HECW2: variants seen among roughly 807,000 people sequenced by gnomAD.
HECW2 encodes the protein E3 ubiquitin-protein ligase HECW2.
In HECW2, 61 loss-of-function variants were observed where a neutral mutation model predicts 175.2. That is an observed-to-expected ratio of 0.35 (90% CI 0.28 to 0.43). The LOEUF (loss-of-function observed/expected upper bound fraction) is 0.43, where lower values mean the gene tolerates loss of function less well. Ranked by LOEUF, HECW2 falls within the 20% of genes least tolerant of loss-of-function variation. The pLI, the probability that HECW2 is intolerant of heterozygous loss-of-function variation, is 1.00. For synonymous variants in HECW2, 671 were observed against 731.0 expected, an observed-to-expected ratio of 0.92 and a Z score of 1.32; for missense variants, 1,524 against 2,000.5, an observed-to-expected ratio of 0.76 and a Z score of 4.54.
intron 2 of HECW2, among the ~76,000 whole-genome samples, chr2:196,425,549 C>A (rs540615422): frequency 1.3e-5 from 2 of 152,166 alleles, no homozygotes; most frequent in South Asian, 4.1e-4. Flanking sequence ...TTGATTCCAA[C>A]CCTCATGGAT....
At chr2:196,253,210 T>A (rs181578656) in intron 19 of HECW2, among the ~76,000 whole-genome samples, 15 of 152,390 alleles carry the variant, frequency 9.8e-5, no homozygotes, top group African/African-American at 3.1e-4. Flanking sequence ...GAGTTTGCAC[T>A]TCTACTGAAA....
Position 196,197,838 on chromosome 2 carries a change from A to C in HECW2, c.*3439T>G, listed in dbSNP as rs1433928662. The C allele has an allele frequency of 6.6e-6, 1 of 152,244 alleles. No homozygotes were observed. The highest frequency in any genetic ancestry group is 1.5e-5 in the Non-Finnish European group (1 of 68,038). The allele number at this position is 152,244 out of a possible 1,614,324, so 9.4% of individuals were successfully genotyped here. Reference sequence around the variant, plus strand: ...GCGTGAGGAGCTAAACGGACGATGTACCTGACAGCACTTTGAAACTATAAA... The same window carrying C: ...GCGTGAGGAGCTAAACGGACGATGTCCCTGACAGCACTTTGAAACTATAAA... On this transcript the variant is annotated 3_prime_UTR_variant, in exon 29 of 29. Coordinates refer to ENST00000644978, the MANE Select transcript of HECW2 (RefSeq NM_001348768.2).
At chr2:196,505,368 CG>C in intron 1 of HECW2, among the ~76,000 whole-genome samples, 1 of 152,074 alleles carries the variant, frequency 6.6e-6, no homozygotes. Context: ...GTGAAAACCC[CG>C]TCTCTACTAA....
At chr2:196,366,407 A>C (rs1177448717) in intron 2 of HECW2, among the ~76,000 whole-genome samples, 1 of 152,232 alleles carries the variant, frequency 6.6e-6, no homozygotes, top group Admixed American at 6.5e-5. Context: ...ATTCAAGCCA[A>C]AATATCAGCA....
At chr2:196,285,874 G>A (rs1690368844) in intron 14 of HECW2, among the ~76,000 whole-genome samples, 1 of 152,206 alleles carries the variant, frequency 6.6e-6, no homozygotes, top group Non-Finnish European at 1.5e-5. Context: ...TATGACTGCA[G>A]CTCTAAAGGT....
chr2:196,503,030 C>T (rs796314919), intron 1 of HECW2, among the ~76,000 whole-genome samples: 11 of 152,208 alleles, frequency 7.2e-5, no homozygotes, highest in African/African-American at 2.6e-4. Flanking sequence ...GTGACAAGTA[C>T]CCTTATCCTT....
At chr2:196,453,103 G>A (rs573463519) in intron 1 of HECW2, among the ~76,000 whole-genome samples, 1 of 152,158 alleles carries the variant, frequency 6.6e-6, no homozygotes, top group Non-Finnish European at 1.5e-5. Context: ...TCTGCCTACA[G>A]AGACCATGTA....
intron 1 of HECW2, among the ~76,000 whole-genome samples, chr2:196,436,272 G>A (rs1253142864): frequency 6.6e-6 from 1 of 151,990 alleles, no homozygotes; most frequent in Non-Finnish European, 1.5e-5. Flanking sequence ...GTGGTGGCGG[G>A]TGCCTGTAGT....
intron 23 of HECW2, among the ~76,000 whole-genome samples, chr2:196,224,793 A>C (rs1465253567): frequency 6.6e-6 from 1 of 152,200 alleles, no homozygotes; most frequent in Non-Finnish European, 1.5e-5. Context: ...TTAAATGAGA[A>C]GATAAGAGAT....
chr2:196,355,868 G>T (rs1262974979), intron 2 of HECW2, among the ~76,000 whole-genome samples: 1 of 152,148 alleles, frequency 6.6e-6, no homozygotes, highest in African/African-American at 2.4e-5. Context: ...GAATGGGGTG[G>T]AGAGAGGTTG....
At chr2:196,237,229 G>A (rs955431188) in intron 21 of HECW2, among the ~76,000 whole-genome samples, 1 of 152,104 alleles carries the variant, frequency 6.6e-6, no homozygotes, top group African/African-American at 2.4e-5. Flanking sequence ...TGGGGAACAG[G>A]TGGTGTTTGG....
At chr2:196,377,491 G>C (rs1320157520) in intron 2 of HECW2, among the ~76,000 whole-genome samples, 1 of 152,180 alleles carries the variant, frequency 6.6e-6, no homozygotes, top group Non-Finnish European at 1.5e-5. Context: ...GCAGGCAAGA[G>C]AGGGCTTGTG....
At chr2:196,418,410 G>A (rs1485024493) in intron 2 of HECW2, among the ~76,000 whole-genome samples, 1 of 152,104 alleles carries the variant, frequency 6.6e-6, no homozygotes, top group African/African-American at 2.4e-5. Flanking sequence ...TTACAGGCGT[G>A]AGCCACCGTG....
At chr2:196,491,730 A>T (rs1383457088) in intron 1 of HECW2, among the ~76,000 whole-genome samples, 1 of 152,046 alleles carries the variant, frequency 6.6e-6, no homozygotes, top group East Asian at 1.9e-4. Context: ...CTAGTTTTCA[A>T]GATGTTGTCA....
chr2:196,344,170 A>T (rs961908297), intron 2 of HECW2, among the ~76,000 whole-genome samples: 2 of 152,294 alleles, frequency 1.3e-5, no homozygotes, highest in Non-Finnish European at 2.9e-5. Context: ...TCAAGATGGG[A>T]TGAACAAAAG....
At chr2:196,519,535 T>A (rs937127428) in intron 1 of HECW2, among the ~76,000 whole-genome samples, 8 of 152,182 alleles carry the variant, frequency 5.3e-5, no homozygotes, top group African/African-American at 1.9e-4. Context: ...AAAGTAATGC[T>A]TTATACCAGA....
At chr2:196,464,056 T>C (rs1193868968) in intron 1 of HECW2, among the ~76,000 whole-genome samples, 1 of 151,858 alleles carries the variant, frequency 6.6e-6, no homozygotes, top group Non-Finnish European at 1.5e-5. Context: ...CTGGAAATGG[T>C]TTAACCAATA....
At chr2:196,226,506 T>A (rs935731546) in intron 22 of HECW2, among the ~76,000 whole-genome samples, 2 of 152,334 alleles carry the variant, frequency 1.3e-5, no homozygotes, top group South Asian at 2.1e-4. Flanking sequence ...GTTTCACTCA[T>A]ATTTAGAGAC....
At chr2:196,573,818 G>T (rs1690466399) in intron 1 of HECW2, among the ~76,000 whole-genome samples, 1 of 152,006 alleles carries the variant, frequency 6.6e-6, no homozygotes. Context: ...ATCTCTGTTT[G>T]CAGGTAACAT....
Sources: gnomAD v4.1 joint callset for allele counts (sites outside exome capture counted in the v4.1 genomes callset) on GRCh38, gnomAD v4.1.1 for gene constraint, MANE v1.5 for transcripts, NCBI Gene and HGNC (gene_info 2026-07-23, HGNC 2026-07-21) for gene names.